DNAH11: variants seen among roughly 807,000 people sequenced by gnomAD.
DNAH11 encodes the protein axonemal beta dynein heavy chain 11.
A neutral mutation model predicts 526.0 loss-of-function variants in DNAH11; 442 were observed. The ratio of observed to expected loss-of-function variants is 0.84; its 90% CI spans 0.78 to 0.91. The LOEUF is 0.91. Among genes scored for constraint, DNAH11 ranks in the 40% least tolerant of loss-of-function variants. The pLI, the probability that DNAH11 is intolerant of heterozygous loss-of-function variation, is 0.00. For synonymous variants in DNAH11, 2,461 were observed against 1,935.9 expected (o/e 1.27, Z -7.12); for missense variants, 6,989 against 5,448.7 (o/e 1.28, Z -8.90).
intron 76 of DNAH11, among the ~76,000 whole-genome samples, chr7:21,891,882 T>C (rs1405298220): frequency 6.6e-5 from 10 of 152,152 alleles, no homozygotes; most frequent in Non-Finnish European, 1.5e-5. Context: ...AATGCACATA[T>C]CATTATTTAT....
intron 20 of DNAH11, among the ~76,000 whole-genome samples, chr7:21,607,246 G>GGCCAGAAGACTCA (rs1240148080): frequency 1.3e-5 from 2 of 152,134 alleles, no homozygotes; most frequent in African/African-American, 2.4e-5. Flanking sequence ...GAAAGATGGA[G>GGCCAGAAGACTCA]GCCAGAAGAC....
chr7:21,735,915 A>G (rs913363841), intron 46 of DNAH11, 71 bp downstream of exon 46: 1 of 1,383,774 alleles, frequency 7.2e-7, no homozygotes, highest in African/African-American at 1.4e-5. Context: ...GCAGCCCAAA[A>G]GACTAATAAT....
intron 2 of DNAH11, among the ~76,000 whole-genome samples, chr7:21,551,995 C>A (rs1783041921): frequency 6.6e-6 from 1 of 152,176 alleles, no homozygotes; most frequent in Non-Finnish European, 1.5e-5. Flanking sequence ...CAAAGGTTAG[C>A]TTTCCACTCT....
chr7:21,784,599 G>A, intron 58 of DNAH11, 59 bp downstream of exon 58: 1 of 1,242,340 alleles, frequency 8.0e-7, no homozygotes. Flanking sequence ...GGTTATTAGA[G>A]TTTGAATAAC....
At chr7:21,766,640 C>T (rs372740308) in intron 55 of DNAH11, among the ~76,000 whole-genome samples, 3 of 151,230 alleles carry the variant, frequency 2.0e-5, no homozygotes, top group African/African-American at 7.3e-5. Flanking sequence ...AAAATCTGGT[C>T]ATATTTACAT....
chr7:21,728,767 A>G (rs1390328882), intron 45 of DNAH11, among the ~76,000 whole-genome samples: 7 of 152,262 alleles, frequency 4.6e-5, no homozygotes, highest in Non-Finnish European at 7.3e-5. Context: ...GAACAGGCAT[A>G]GGATAGACCT....
intron 2 of DNAH11, among the ~76,000 whole-genome samples, chr7:21,555,379 TTGGCTCCCTCTTTCCTTTGGC>T (rs1456711308): frequency 6.6e-6 from 1 of 152,206 alleles, no homozygotes; most frequent in African/African-American, 2.4e-5. Context: ...GGGAGTCTCT[TTGGCTCCCTCTTTCCTTTGGC>T]CCATAGGCCT....
At chr7:21,886,350 T>C (rs1406624434) in intron 76 of DNAH11, among the ~76,000 whole-genome samples, 1 of 152,184 alleles carries the variant, frequency 6.6e-6, no homozygotes, top group Admixed American at 6.5e-5. Context: ...TAGTCTAATA[T>C]AGAAAACTGG....
At chr7:21,600,208 C>A in intron 15 of DNAH11, 89 bp downstream of exon 15, 5 of 1,176,948 alleles carry the variant, frequency 4.2e-6, no homozygotes, top group Non-Finnish European at 5.7e-6. Context: ...GCTGGGAATC[C>A]CAGAACTTTG....
At chr7:21,697,983 A>G in intron 35 of DNAH11, 92 bp from the exon 36 acceptor site, 1 of 1,327,664 alleles carries the variant, frequency 7.5e-7, no homozygotes, top group Non-Finnish European at 1.0e-6. Flanking sequence ...AGGAATGGTT[A>G]AAATGTTGGT....
intron 11 of DNAH11, among the ~76,000 whole-genome samples, chr7:21,588,922 A>G (rs1318498130): frequency 6.6e-6 from 1 of 152,044 alleles, no homozygotes; most frequent in African/African-American, 2.4e-5. Context: ...CCTTTTTCCA[A>G]TAAATAACAC....
chr7:21,730,788 A>C (rs947314825), intron 45 of DNAH11, among the ~76,000 whole-genome samples: 1 of 152,172 alleles, frequency 6.6e-6, no homozygotes, highest in Non-Finnish European at 1.5e-5. Context: ...AATTAATAAC[A>C]ATGTGTAGTA....
chr7:21,628,834 T>C (rs1253670799), intron 25 of DNAH11, among the ~76,000 whole-genome samples: 1 of 152,128 alleles, frequency 6.6e-6, no homozygotes, highest in Non-Finnish European at 1.5e-5. Context: ...CTTATCAATT[T>C]TATCTTTTCA....
rs569042999 is a variant in DNAH11, at chr7:21,601,197, T to G, written c.3425+18T>G. 2.0e-4 allele frequency: 311 copies of G among 1,578,198 alleles called. 4 individuals carry two copies. In the South Asian group the frequency reaches 3.4e-3, roughly 17 times the overall value. On this transcript the variant is annotated intron_variant, in intron 17 of 81. Coordinates refer to ENST00000409508, the MANE Select transcript of DNAH11 (RefSeq NM_001277115.2). ...ATTGACAGGTAGCCTTTTACTTTGG[T>G]TTTTGGAATTATAACTTTCTAAACT...
In DNAH11 at chr7:21,617,745, A is replaced by G; in HGVS notation, c.4222A>G (p.Arg1408Gly). 2 of 1,607,648 alleles carry G rather than the reference A, an allele frequency of 1.2e-6. No individual in the cohort carries two copies. The highest frequency in any genetic ancestry group is 8.5e-7 in the Non-Finnish European group (1 of 1,177,296). ...GTTACAGAGCCCTGCCCTCAGGGAC[A>G]GGCATTGGCACCAGCTGATGAAAGC... is the stretch of plus-strand genomic sequence containing the variant. The part of the protein sequence containing the change: ...TELQSPALRD[R>G]HWHQLMKAIG... The change falls in exon 23 of 82, where the codon AGG (arginine) becomes GGG (glycine). Residue 1408 changes from arginine to glycine, a missense_variant. Transcript: ENST00000409508.
chr7:21,727,010 C>T (rs144628560), intron 45 of DNAH11, among the ~76,000 whole-genome samples: 25,870 of 116,904 alleles, frequency 0.22, 3,034 homozygotes, highest in Middle Eastern at 0.27. Flanking sequence ...CTCGGCTCAC[C>T]GCAAGATCCA....
At chr7:21,663,079 A>G (rs1051239813) in intron 30 of DNAH11, among the ~76,000 whole-genome samples, 1 of 152,080 alleles carries the variant, frequency 6.6e-6, no homozygotes, top group Non-Finnish European at 1.5e-5. Context: ...AACATGTGAC[A>G]TTTGTCTATG....
chr7:21,871,339 A>T (rs929199554), intron 73 of DNAH11, among the ~76,000 whole-genome samples: 1 of 152,204 alleles, frequency 6.6e-6, no homozygotes, highest in Non-Finnish European at 1.5e-5. Context: ...TTGCACAAGC[A>T]TTGCTGTTCT....
At chr7:21,645,747 G>A (rs1266737218) in intron 28 of DNAH11, among the ~76,000 whole-genome samples, 2 of 151,894 alleles carry the variant, frequency 1.3e-5, no homozygotes, top group Non-Finnish European at 2.9e-5. Flanking sequence ...CTAAAAATCA[G>A]ATATCTAAAT....
Sources: gnomAD v4.1 joint callset for allele counts (sites outside exome capture counted in the v4.1 genomes callset) on GRCh38, gnomAD v4.1.1 for gene constraint, MANE v1.5 for transcripts, NCBI Gene and HGNC (gene_info 2026-07-23, HGNC 2026-07-21) for gene names.